Variants in CIAO3 observed in about 807,000 individuals in gnomAD.
CIAO3 encodes the protein LET1 like/JFP15.
A neutral mutation model predicts 51.5 loss-of-function variants in CIAO3; 45 were observed. That is an observed-to-expected ratio of 0.87 (90% CI 0.69 to 1.12). CIAO3 has a LOEUF of 1.12. Among genes scored for constraint, CIAO3 ranks in the 50% most tolerant of loss-of-function variants. The probability of loss-of-function intolerance (pLI) is 0.00; values close to 1 mark genes in which losing one functional copy is unlikely to be tolerated. For missense variants in CIAO3, 668 were observed against 632.5 expected, an observed-to-expected ratio of 1.06 and a Z score of -0.60; for synonymous variants, 314 against 269.3, an observed-to-expected ratio of 1.17 and a Z score of -1.63.
rs2041336530 is a variant in CIAO3 at position 736,292 on chromosome 16, T to C, written c.413A>G (p.Lys138Arg). 3.1e-6 allele frequency: 5 copies of C among 1,612,974 alleles called. No homozygotes were observed. The highest frequency in any genetic ancestry group is 4.2e-6 in the Non-Finnish European group (5 of 1,179,788). ...TATTTTTTTAAAGAATGAGGTTAAT[T>C]TCCTGGCAGTATCTGTAGGATTCAG... ...FQLNPTDTAR[K>R]LTSFFKKIGV... Residue 138 changes from lysine to arginine, a missense_variant, in exon 4 of 11, where the codon AAA (lysine) becomes AGA (arginine). Lys to Arg is a conservative substitution (Grantham distance 26, BLOSUM62 2). Transcript: ENST00000251588.
At chr16:735,222 G>A (rs908950664) in intron 4 of CIAO3, 2 of 251,666 alleles carry the variant, frequency 7.9e-6, no homozygotes, top group African/African-American at 4.4e-5. Context: ...CCCTCCCTAG[G>A]GCACAGCTGG....
At position 737,683 on chromosome 16, in the gene CIAO3, C is replaced by G; in HGVS notation, c.163-354G>C. ...CACAGGGCTGTAGGGCAGGAAAATG[C>G]CGAAGGTGGGCTCTGAAAGGAGGAG... On this transcript the variant is annotated intron_variant, in intron 2 of 10. Coordinates refer to ENST00000251588, the MANE Select transcript of CIAO3 (RefSeq NM_022493.3). The surrounding 1 kb of genome is among the most constrained non-coding windows in gnomAD (Gnocchi z 5.3). 1 of 1,313,234 alleles carries G rather than the reference C, an allele frequency of 7.6e-7. No homozygotes were observed. The highest frequency in any genetic ancestry group is 9.9e-7 in the Non-Finnish European group (1 of 1,005,116). The allele number at this position is 1,313,234 out of a possible 1,614,324, so 81.3% of individuals were successfully genotyped here.
chr16:730,307 C>T lies in CIAO3; in HGVS notation c.*110G>A. 1 of 1,145,666 alleles carries T rather than the reference C, an allele frequency of 8.7e-7. No homozygotes were observed. The allele number at this position is 1,145,666 out of a possible 1,614,324, so 71.0% of individuals were successfully genotyped here. A position where few individuals can be genotyped will look rare whatever the true frequency, so the allele number is the denominator to read the frequency against. ...GTCCTAGCTCCTACTCGGGTCCCAG[C>T]ACACCCTGCAGCTCACTCAGAATTT... On this transcript the variant is annotated 3_prime_UTR_variant, in exon 11 of 11. Transcript: ENST00000251588.
chr16:732,707 G>A, intron 7 of CIAO3: 1 of 378,298 alleles, frequency 2.6e-6, no homozygotes, highest in Non-Finnish European at 5.1e-6. Flanking sequence ...TACGATCTCG[G>A]CTCACTACGA....
Position 730,924 on chromosome 16 carries a change from G to C in CIAO3, c.1111C>G (p.Arg371Gly). The change falls in exon 10 of 11, where the codon CGC (arginine) becomes GGC (glycine). Residue 371 changes from arginine to glycine, a missense_variant. Transcript: ENST00000251588. ...CTCTGCACCAGGTTCTGGATGTTGC[G>C]GAAGCCGTACGCCATTGCGAAGTGC... Reference protein sequence around the residue: ...LLHFAMAYGFRNIQNLVQRLK... With the variant: ...LLHFAMAYGFGNIQNLVQRLK... 1.2e-6 allele frequency: 2 copies of C among 1,612,970 alleles called. No individual in the cohort carries two copies. Among genetic ancestry groups the C allele is most frequent in the Non-Finnish European group, 1.7e-6 (2 of 1,180,006 alleles).
chr16:735,197 C>T (rs78364623), intron 4 of CIAO3: 3,236 of 291,320 alleles, frequency 0.011, 104 homozygotes, highest in African/African-American at 0.065. Context: ...TTGCCACGTG[C>T]GCTGCTCCCG....
In CIAO3 at chr16:740,950, C is replaced by A. The variant is rs920853854; in HGVS notation, c.36G>T (p.Thr12=). 1.3e-6 allele frequency: 2 copies of A among 1,521,100 alleles called. No individual in the cohort carries two copies. The highest frequency in any genetic ancestry group is 2.0e-5 in the Admixed American group (1 of 50,260). 94.2% of individuals were successfully genotyped at this position (1,521,100 alleles called of 1,614,324 possible). The change falls in exon 1 of 11, where the codon ACG becomes ACT. Residue 12 remains threonine (T), a synonymous_variant. Coordinates refer to ENST00000251588, the MANE Select transcript of CIAO3 (RefSeq NM_022493.3). ...ACGGCCCGATGAAGTCATCCAGGTC[C>A]GTCAGCTGCAGCGCCCCGCTGAAGG... ...ASPFSGALQL[T]DLDDFIGPSQ...
Position 736,337 on chromosome 16 carries a change from G to A in CIAO3, c.368C>T (p.Ser123Leu), listed in dbSNP as rs546407568. The stretch of plus-strand genomic sequence containing the variant: ...ATTCAGCTGAAACCGTGCAGCCAGC[G>A]ATGCTCTAGACTGTGGTGAGACCGA... ...VVSVSPQSRA[S>L]LAARFQLNPT... The change falls in exon 4 of 11, where the codon TCG (serine) becomes TTG (leucine). Residue 123 changes from serine (S) to leucine (L), a missense_variant. Physicochemically the swap from Ser to Leu is moderately radical, Grantham distance 145. Coordinates refer to ENST00000251588, the MANE Select transcript of CIAO3 (RefSeq NM_022493.3). 208 of 1,613,078 alleles carry A rather than the reference G, an allele frequency of 1.3e-4. No homozygotes were observed. Among genetic ancestry groups the A allele is most frequent in the Non-Finnish European group, 5.9e-5 (70 of 1,179,818 alleles).
intron 1 of CIAO3, chr16:739,994 C>T: frequency 6.8e-7 from 1 of 1,475,196 alleles, no homozygotes; most frequent in Non-Finnish European, 9.0e-7. Context: ...GCAAACTACC[C>T]ACCTGCGGAG....
chr16:739,545 G>T (rs753424080), intron 2 of CIAO3, 98 bp downstream of exon 2: 1 of 1,182,908 alleles, frequency 8.5e-7, no homozygotes, highest in Admixed American at 1.7e-5. Flanking sequence ...GAGACCTGGA[G>T]TGTCTCGGGG....
In CIAO3 at chr16:740,069, G is replaced by C. The variant is rs565175925; in HGVS notation, c.67-331C>G. 1.5e-4 allele frequency: 210 copies of C among 1,369,430 alleles called. 3 individuals carry two copies. In the South Asian group the frequency reaches 2.5e-3, roughly 16 times the overall value. The allele number at this position is 1,369,430 out of a possible 1,614,324, so 84.8% of individuals were successfully genotyped here. A position where few individuals can be genotyped will look rare whatever the true frequency, so the allele number is the denominator to read the frequency against. On this transcript the variant is annotated intron_variant, in intron 1 of 10. Transcript: ENST00000251588. ...GGGCGTGACCACCACAGAGACCAGA[G>C]TTGCACTGCCCATCGAGAGGACGTG...
At chr16:740,147 G>C in intron 1 of CIAO3, 2 of 1,282,930 alleles carry the variant, frequency 1.6e-6, no homozygotes, top group Non-Finnish European at 2.0e-6. Context: ...GAAACAAGTG[G>C]ATTTCTCTCT....
At chr16:734,489 C>T (rs1054469020) in intron 5 of CIAO3, 142 bp from the exon 6 acceptor site, 3 of 844,912 alleles carry the variant, frequency 3.6e-6, no homozygotes, top group Non-Finnish European at 5.7e-6. Context: ...CCTGTTCTCC[C>T]CACCACCACG....
intron 8 of CIAO3, 132 bp from the exon 9 acceptor site, chr16:731,834 C>G: frequency 2.4e-6 from 3 of 1,233,582 alleles, no homozygotes; most frequent in Non-Finnish European, 3.2e-6. Flanking sequence ...AGAGGAACAG[C>G]TCCTGTGTCA....
At chr16:734,018 G>C (rs2041312608) in intron 6 of CIAO3, 1 of 553,068 alleles carries the variant, frequency 1.8e-6, no homozygotes. Flanking sequence ...GCTGCCTCTG[G>C]GTGAGCAGTG....
At chr16:736,859 T>C in intron 3 of CIAO3, 1 of 360,034 alleles carries the variant, frequency 2.8e-6, no homozygotes, top group Non-Finnish European at 5.2e-6. Context: ...AGACGGGGTT[T>C]CACCATGTTG....
chr16:734,678 A>G (rs2041320126), intron 5 of CIAO3, 59 bp downstream of exon 5: 1 of 1,612,020 alleles, frequency 6.2e-7, no homozygotes, highest in Non-Finnish European at 8.5e-7. Flanking sequence ...TGTCCATATC[A>G]CCTCACGTTT....
rs552005864 is a variant in CIAO3, at chr16:740,867, G to A, written c.66+53C>T. 345 of 1,482,320 alleles carry A rather than the reference G, an allele frequency of 2.3e-4. 1 individual carries two copies. In the African/African-American group the frequency reaches 4.4e-3, roughly 19 times the overall value. The allele number at this position is 1,482,320 out of a possible 1,614,324, so 91.8% of individuals were successfully genotyped here. A position where few individuals can be genotyped will look rare whatever the true frequency, so the allele number is the denominator to read the frequency against. On this transcript the variant is annotated intron_variant, in intron 1 of 10. Coordinates refer to ENST00000251588, the MANE Select transcript of CIAO3 (RefSeq NM_022493.3). ...GTGGGGCGCAGAGCAATTTCCCTCC[G>A]CGCGACAGGGCACCGAGCGCAGCCT...
In CIAO3 at chr16:730,179, G is replaced by C. The variant is rs1026425659; in HGVS notation, c.*238C>G. Reference sequence around the variant, plus strand: ...AACGGAACAGGCTCTGGGACCTCAGGGAACCTTCTGCTGCCTGGGCCACCC... The same window carrying C: ...AACGGAACAGGCTCTGGGACCTCAGCGAACCTTCTGCTGCCTGGGCCACCC... On this transcript the variant is annotated 3_prime_UTR_variant, in exon 11 of 11. Coordinates refer to ENST00000251588, the MANE Select transcript of CIAO3 (RefSeq NM_022493.3). 8.5e-6 allele frequency: 5 copies of C among 585,610 alleles called. No homozygotes were observed. Among genetic ancestry groups the C allele is most frequent in the Non-Finnish European group, 1.5e-5 (5 of 328,216 alleles). The allele number at this position is 585,610 out of a possible 1,614,324, so 36.3% of individuals were successfully genotyped here. A position where few individuals can be genotyped will look rare whatever the true frequency, so the allele number is the denominator to read the frequency against.
Sources: gnomAD v4.1 joint callset for allele counts on GRCh38, gnomAD v4.1.1 for gene constraint, Gnocchi (gnomAD v3.1) non-coding constraint, MANE v1.5 for transcripts, NCBI Gene and HGNC (gene_info 2026-07-23, HGNC 2026-07-21) for gene names.